Variants in AGBL1 observed in about 807,000 individuals in gnomAD.
AGBL1 encodes cytosolic carboxypeptidase 4.
Under a neutral mutation model 118.9 loss-of-function variants are expected in AGBL1, and 130 were observed. The ratio of observed to expected loss-of-function variants is 1.09; its 90% CI spans 0.95 to 1.26. The LOEUF (loss-of-function observed/expected upper bound fraction) is 1.26. Ranked by LOEUF, AGBL1 falls within the 50% of genes most tolerant of loss-of-function variation. AGBL1 has a pLI of 0.00. For synonymous variants in AGBL1, 555 were observed against 478.9 expected (o/e 1.16, Z -2.08); for missense variants, 1,584 against 1,298.1 (o/e 1.22, Z -3.38).
rs554471832 is a variant in AGBL1, at chr15:87,015,152, C to T, written c.3324-13673C>T. Among the ~76,000 whole-genome samples the T allele has an allele frequency of 3.9e-5, 6 of 152,226 alleles. No individual in the cohort carries two copies. In the South Asian group the frequency reaches 1.2e-3, roughly 32 times the overall value. On this transcript the variant is annotated intron_variant, in intron 24 of 24. Coordinates refer to the AGBL1 transcript ENST00000441037. ...GTTCTTCAAGCTTTGAACTCTGAAACCTGCACCTTTAGCCTCCCAGGCCTC... is the reference window on the plus strand; with the variant it reads ...GTTCTTCAAGCTTTGAACTCTGAAATCTGCACCTTTAGCCTCCCAGGCCTC...
chr15:86,724,235 CA>C (rs1204898095), intron 22 of AGBL1, among the ~76,000 whole-genome samples: 14 of 73,838 alleles, frequency 1.9e-4, no homozygotes, highest in Non-Finnish European at 2.1e-4. Flanking sequence ...GACTCCATCT[CA>C]AAAAAAAAAA....
intron 5 of AGBL1, among the ~76,000 whole-genome samples, chr15:86,193,093 A>G (rs1175540228): frequency 6.6e-6 from 1 of 152,210 alleles, no homozygotes; most frequent in African/African-American, 2.4e-5. Flanking sequence ...TTTATTAGTA[A>G]ATGTGATCAT....
chr15:87,025,131 G>A (rs1271116621), intron 24 of AGBL1, among the ~76,000 whole-genome samples: 1 of 152,038 alleles, frequency 6.6e-6, no homozygotes, highest in Non-Finnish European at 1.5e-5. Context: ...CCTAGCCAGA[G>A]AAATTAGATA....
chr15:86,925,439 C>T lies in AGBL1; in HGVS notation c.3222-62548C>T, dbSNP rs114942136. On this transcript the variant is annotated intron_variant, in intron 23 of 24. Transcript: ENST00000441037. ...GCAAAGAAGAAGCATTAGTTTCCTT[C>T]AAGAAAATATGATACTGATAATCAG... 3.8e-3 allele frequency among the ~76,000 whole-genome samples: 582 copies of T among 152,234 alleles called. 7 individuals are homozygous for T. Among genetic ancestry groups the T allele is most frequent in the African/African-American group, 0.014 (565 of 41,556 alleles).
chr15:86,439,249 A>G (rs1316219411), intron 18 of AGBL1, among the ~76,000 whole-genome samples: 1 of 152,166 alleles, frequency 6.6e-6, no homozygotes, highest in Non-Finnish European at 1.5e-5. Flanking sequence ...TTATCTGCCA[A>G]TATTTAAACG....
chr15:86,824,045 A>G (rs2078975203), intron 22 of AGBL1, among the ~76,000 whole-genome samples: 1 of 152,110 alleles, frequency 6.6e-6, no homozygotes. Context: ...TCTCACCATT[A>G]CTATTCAACA....
rs371167433 is a variant in AGBL1 at position 86,120,712 on chromosome 15, A to G, written c.52-21292A>G. Among the ~76,000 whole-genome samples the G allele has an allele frequency of 9.9e-5, 15 of 152,276 alleles. No individual in the cohort carries two copies. In the East Asian group the frequency reaches 2.5e-3, roughly 25 times the overall value. ...CACATTTTTGGTTCTCAATAAAGGT[A>G]TTTTGGTTCAATGCAAAAATGAGTA... On this transcript the variant is annotated intron_variant, in intron 1 of 22. Coordinates refer to ENST00000614907, the MANE Select transcript of AGBL1 (RefSeq NM_001386094.1).
In AGBL1 at chr15:86,574,798, G is replaced by A. The variant is rs150026262; in HGVS notation, c.2994+20261G>A. On this transcript the variant is annotated intron_variant, in intron 21 of 22. Coordinates refer to ENST00000614907, the MANE Select transcript of AGBL1 (RefSeq NM_001386094.1). ...TCACCATGTTGGCCAGGCTGGTCTC[G>A]AACTCCTGACCTCAAGTGACCTACC... Among the ~76,000 whole-genome samples the A allele has an allele frequency of 5.3e-5, 8 of 151,294 alleles. No homozygotes were observed. In the South Asian group the frequency reaches 8.3e-4, roughly 16 times the overall value.
intron 19 of AGBL1, among the ~76,000 whole-genome samples, chr15:86,543,299 T>C (rs2083530543): frequency 6.6e-6 from 1 of 152,254 alleles, no homozygotes; most frequent in Admixed American, 6.5e-5. Context: ...TATATAACCG[T>C]TTATTTTCTC....
chr15:86,780,190 G>A (rs2078314379), intron 22 of AGBL1, among the ~76,000 whole-genome samples: 1 of 43,212 alleles, frequency 2.3e-5, no homozygotes, highest in African/African-American at 4.7e-5. Flanking sequence ...ACATTTTCTT[G>A]CCATTGACAT....
intron 22 of AGBL1, among the ~76,000 whole-genome samples, chr15:86,826,954 A>C (rs1267551469): frequency 6.6e-6 from 1 of 151,926 alleles, no homozygotes; most frequent in Non-Finnish European, 1.5e-5. Context: ...GGATGTCTCA[A>C]CCTGTAGAAG....
intron 22 of AGBL1, among the ~76,000 whole-genome samples, chr15:86,854,565 A>G (rs569082119): frequency 6.6e-6 from 1 of 152,318 alleles, no homozygotes; most frequent in East Asian, 1.9e-4. Flanking sequence ...TTACATGCAC[A>G]CAACCTGATT....
chr15:86,266,941 A>G (rs1235335564), intron 12 of AGBL1, 49 bp from the exon 13 acceptor site: 1 of 1,345,424 alleles, frequency 7.4e-7, no homozygotes, highest in Admixed American at 2.0e-5. Context: ...CACTGTTTTC[A>G]AAGAGTAGTG....
At chr15:86,780,058 C>T (rs1346889011) in intron 22 of AGBL1, among the ~76,000 whole-genome samples, 1 of 152,170 alleles carries the variant, frequency 6.6e-6, no homozygotes, top group Non-Finnish European at 1.5e-5. Context: ...TCTTTGCCTA[C>T]TCTAAGATCA....
chr15:86,759,051 TA>T (rs1161797213), intron 22 of AGBL1, among the ~76,000 whole-genome samples: 1 of 151,736 alleles, frequency 6.6e-6, no homozygotes, highest in Non-Finnish European at 1.5e-5. Flanking sequence ...ATACTTGATA[TA>T]GATTTCTTTG....
chr15:86,874,861 T>G (rs1456424629), intron 22 of AGBL1, among the ~76,000 whole-genome samples: 1 of 152,148 alleles, frequency 6.6e-6, no homozygotes, highest in East Asian at 1.9e-4. Flanking sequence ...AATAGGATTT[T>G]AGGACACACT....
At chr15:86,432,828 G>A (rs148054726) in intron 18 of AGBL1, among the ~76,000 whole-genome samples, 8 of 151,502 alleles carry the variant, frequency 5.3e-5, no homozygotes, top group African/African-American at 1.9e-4. Flanking sequence ...TTTTTGCTTT[G>A]AGAACAATGA....
chr15:86,606,943 A>G (rs1033587189), intron 21 of AGBL1, among the ~76,000 whole-genome samples: 1 of 152,052 alleles, frequency 6.6e-6, no homozygotes, highest in African/African-American at 2.4e-5. Flanking sequence ...TACTGCCTTA[A>G]AGATCCCCTG....
chr15:86,223,008 T>G (rs2078303450), intron 5 of AGBL1, among the ~76,000 whole-genome samples: 1 of 152,182 alleles, frequency 6.6e-6, no homozygotes, highest in Admixed American at 6.5e-5. Flanking sequence ...TCTATCTGGC[T>G]TTCAGAAAAT....
Sources: gnomAD v4.1 joint callset for allele counts (sites outside exome capture counted in the v4.1 genomes callset) on GRCh38, gnomAD v4.1.1 for gene constraint, MANE v1.5 for transcripts, NCBI Gene and HGNC (gene_info 2026-07-23, HGNC 2026-07-21) for gene names.